Variants in C12orf42 observed in about 807,000 individuals in gnomAD.
The protein encoded by C12orf42 is chromosome 12 open reading frame 42, also known as uncharacterized protein C12orf42.
A neutral mutation model predicts 21.6 loss-of-function variants in C12orf42; 25 were observed. The observed-to-expected ratio is 1.16, with a 90% CI of 0.84 to 1.62. C12orf42 has a LOEUF of 1.62. Ranked by LOEUF, C12orf42 falls within the 40% of genes most tolerant of loss-of-function variation. The pLI, the probability that C12orf42 is intolerant of heterozygous loss-of-function variation, is 0.00. For synonymous variants in C12orf42, 174 were observed against 175.0 expected (o/e 0.99, Z 0.05); for missense variants, 483 against 459.3 (o/e 1.05, Z -0.47).
intron 2 of C12orf42, among the ~76,000 whole-genome samples, chr12:103,435,529 G>C (rs1270067095): frequency 6.6e-6 from 1 of 152,106 alleles, no homozygotes; most frequent in East Asian, 1.9e-4. Flanking sequence ...TGTATAACTA[G>C]AATAACCAAT....
At chr12:103,481,807 T>G (rs929605908) in intron 1 of C12orf42, among the ~76,000 whole-genome samples, 18 of 148,038 alleles carry the variant, frequency 1.2e-4, no homozygotes, top group African/African-American at 4.0e-4. Flanking sequence ...TTTGTTTGGG[T>G]TTTTTTTTTC....
intron 10 of C12orf42, among the ~76,000 whole-genome samples, chr12:103,260,018 C>T (rs1392772546): frequency 4.6e-5 from 7 of 152,156 alleles, no homozygotes; most frequent in African/African-American, 1.7e-4. Context: ...TTAAAAGCTA[C>T]TCCACAATGT....
In C12orf42 at chr12:103,302,432, G is replaced by A; in HGVS notation, c.759C>T (p.Gly253=). The change falls in exon 6 of 6, where the codon GGC becomes GGT. Residue 253 remains glycine (G), a synonymous_variant. Coordinates refer to ENST00000548883, the MANE Select transcript of C12orf42 (RefSeq NM_198521.5). ...EPEERMAVPA[G]AQAHPDDIQS... ...GGATGTCGTCGGGGTGTGCCTGAGC[G>A]CCTGCTGGGACTGCCATCCTCTCCT... is the stretch of plus-strand genomic sequence containing the variant. 6.2e-7 allele frequency: 1 copy of A among 1,613,870 alleles called. No homozygotes were observed. Among genetic ancestry groups the A allele is most frequent in the East Asian group, 2.2e-5 (1 of 44,852 alleles).
chr12:103,326,739 T>A (rs2040752564), intron 4 of C12orf42, among the ~76,000 whole-genome samples: 2 of 152,224 alleles, frequency 1.3e-5, no homozygotes, highest in African/African-American at 4.8e-5. Flanking sequence ...AGAGAGGCCT[T>A]CTTTGGTCAC....
chr12:103,161,266 C>T, the C12orf42 span, among the ~76,000 whole-genome samples: 1 of 152,080 alleles, frequency 6.6e-6, no homozygotes, highest in African/African-American at 2.4e-5. Context: ...AATAGTTAAG[C>T]ATTGAAAGGT....
intron 2 of C12orf42, among the ~76,000 whole-genome samples, chr12:103,477,763 C>T (rs1954166440): frequency 6.6e-6 from 1 of 152,106 alleles, no homozygotes; most frequent in South Asian, 2.1e-4. Flanking sequence ...AGGAATGAAA[C>T]CTTGCCAACG....
At chr12:103,440,497 G>A (rs7312427) in intron 2 of C12orf42, among the ~76,000 whole-genome samples, 113,176 of 137,134 alleles carry the variant, frequency 0.83, 46,787 homozygotes, top group Admixed American at 0.87. Context: ...CTACTCTGGT[G>A]CAAGTGGGTA....
At chr12:103,478,235 T>C in intron 2 of C12orf42, 114 bp downstream of exon 2, 1 of 651,718 alleles carries the variant, frequency 1.5e-6, no homozygotes, top group Non-Finnish European at 2.6e-6. Context: ...CTAAGAGGAT[T>C]ATCTAAAATA....
chr12:103,484,164 T>C (rs1954664060), intron 1 of C12orf42, among the ~76,000 whole-genome samples: 1 of 152,244 alleles, frequency 6.6e-6, no homozygotes, highest in South Asian at 2.1e-4. Flanking sequence ...TATAATCGTT[T>C]GTGTATATAC....
chr12:103,370,384 C>A lies in C12orf42; in HGVS notation c.148-1386G>T, dbSNP rs1339315142. Among the ~76,000 whole-genome samples the A allele has an allele frequency of 3.3e-5, 5 of 152,058 alleles. No individual in the cohort carries two copies. In the East Asian group the frequency reaches 9.7e-4, roughly 29 times the overall value. ...GCAATCACATTATTAGATATATATACCCCCAAAGGAATATAAATCATTCTA... is the reference window on the plus strand; with the variant it reads ...GCAATCACATTATTAGATATATATAACCCCAAAGGAATATAAATCATTCTA... On this transcript the variant is annotated intron_variant, in intron 3 of 5. Transcript: ENST00000548883.
At chr12:103,138,436 G>C in the C12orf42 span, among the ~76,000 whole-genome samples, 2 of 152,172 alleles carry the variant, frequency 1.3e-5, no homozygotes, top group African/African-American at 4.8e-5. Flanking sequence ...GCCATGTGAA[G>C]ACATGCTTGC....
At chr12:103,385,061 G>T (rs1448665945) in intron 3 of C12orf42, among the ~76,000 whole-genome samples, 4 of 152,258 alleles carry the variant, frequency 2.6e-5, no homozygotes, top group African/African-American at 7.2e-5. Context: ...TATTTTATTT[G>T]CTCAGTCTGA....
At chr12:103,484,863 G>GTTTTTTTT (rs56025837) in intron 1 of C12orf42, among the ~76,000 whole-genome samples, 5 of 71,690 alleles carry the variant, frequency 7.0e-5, no homozygotes, top group African/African-American at 1.0e-4. Context: ...TCTGGTTTCA[G>GTTTTTTTT]TTTTTTTTTT....
downstream of C12orf42, among the ~76,000 whole-genome samples, chr12:103,237,306 G>A (rs2033499568): frequency 6.6e-6 from 1 of 152,098 alleles, no homozygotes. Flanking sequence ...ATTGAGGATG[G>A]AAATGAAGAG....
chr12:103,132,139 C>G, the C12orf42 span, among the ~76,000 whole-genome samples: 4 of 152,084 alleles, frequency 2.6e-5, no homozygotes, highest in African/African-American at 9.7e-5. Context: ...CACATGACTT[C>G]AAGATGGCCA....
chr12:103,049,765 G>A, the C12orf42 span, among the ~76,000 whole-genome samples: 3 of 152,124 alleles, frequency 2.0e-5, no homozygotes, highest in Admixed American at 2.0e-4. Context: ...TGCACGTGCT[G>A]TTTCCTCTGA....
At chr12:103,276,080 C>T (rs1263604868) in intron 5 of C12orf42, among the ~76,000 whole-genome samples, 3 of 151,946 alleles carry the variant, frequency 2.0e-5, no homozygotes, top group East Asian at 1.9e-4. Flanking sequence ...CTCTAGAAAA[C>T]AAAATTCCAT....
chr12:103,077,657 T>C, the C12orf42 span, among the ~76,000 whole-genome samples: 2 of 152,152 alleles, frequency 1.3e-5, no homozygotes, highest in Admixed American at 6.5e-5. Flanking sequence ...AGGAAGCTAA[T>C]AGAATTCCTG....
chr12:103,555,520 G>T, the C12orf42 span, among the ~76,000 whole-genome samples: 1 of 152,066 alleles, frequency 6.6e-6, no homozygotes, highest in Non-Finnish European at 1.5e-5. Flanking sequence ...TGAAGCCCAG[G>T]AATTGACATT....
Sources: allele counts gnomAD v4.1 joint callset (sites outside exome capture counted in the v4.1 genomes callset), GRCh38; gene constraint gnomAD v4.1.1; transcripts MANE v1.5; gene names NCBI Gene and HGNC (gene_info 2026-07-23, HGNC 2026-07-21).